Variants in WDR38 observed in about 807,000 individuals in gnomAD.
WDR38 encodes the protein WD repeat-containing protein 38.
In WDR38, 37 loss-of-function variants were observed where a neutral mutation model predicts 36.6. The ratio of observed to expected loss-of-function variants is 1.01; its 90% CI spans 0.78 to 1.33. The LOEUF (loss-of-function observed/expected upper bound fraction) is 1.33, where lower values mean the gene tolerates loss of function less well. WDR38 is among the 40% of genes most tolerant of loss of function. The pLI, the probability that WDR38 is intolerant of heterozygous loss-of-function variation, is 0.00. For missense variants in WDR38, 411 were observed against 414.6 expected (o/e 0.99, Z 0.07); for synonymous variants, 164 against 168.1 (o/e 0.98, Z 0.19).
In WDR38 at chr9:124,854,381, A is replaced by T. The variant is rs138981942; in HGVS notation, c.190+56A>T. On this transcript the variant is annotated intron_variant, in intron 2 of 8. Transcript: ENST00000373574. ...GAGGCACAAGGGTCTGGCATGCTGC[A>T]GAGCTGACTGCAGTGACCTCCGATG... 5.9e-3 allele frequency: 9,410 copies of T among 1,605,302 alleles called. 448 individuals are homozygous for T. The Admixed American group carries it at 0.1, about 17-fold the overall frequency.
chr9:124,854,364 A>G (rs1365817244), intron 2 of WDR38, 39 bp downstream of exon 2: 2 of 1,609,630 alleles, frequency 1.2e-6, no homozygotes, highest in Admixed American at 1.7e-5. Flanking sequence ...CCGAGGCACA[A>G]GGGTCTGGCA....
intron 2 of WDR38, among the ~76,000 whole-genome samples, 194 bp downstream of exon 2, chr9:124,854,519 C>T (rs1043616747): frequency 6.6e-6 from 1 of 151,784 alleles, no homozygotes; most frequent in South Asian, 2.1e-4. Flanking sequence ...TAAAAACACA[C>T]ACACACACAC....
At chr9:124,856,952 C>G (rs1427920629) in intron 7 of WDR38, 71 bp downstream of exon 7, 2 of 1,593,332 alleles carry the variant, frequency 1.3e-6, no homozygotes, top group Non-Finnish European at 1.7e-6. Context: ...AGCACTCACT[C>G]CAGAAATGCC....
At chr9:124,856,435 C>A in intron 5 of WDR38, 34 bp from the exon 6 acceptor site, 1 of 1,611,562 alleles carries the variant, frequency 6.2e-7, no homozygotes. Flanking sequence ...GGGTGGAGAG[C>A]TGGCTGGGCC....
chr9:124,857,620 C>T lies in WDR38; in HGVS notation c.935C>T (p.Pro312Leu). The stretch of plus-strand genomic sequence containing the variant: ...CGCACGTCCAAATCACCCAGGGACC[C>T]TCAAACCTAACACCAACCACCTTAG... ...ISRTSKSPRDPQT is the reference protein window; with the variant it reads ...ISRTSKSPRDLQT The change falls in exon 9 of 9, where the codon CCT becomes CTT. Residue 312 changes from proline (P) to leucine (L), a missense_variant. By Grantham distance (98) the Pro-to-Leu change is moderately conservative (BLOSUM62 -3). Coordinates refer to ENST00000373574, the MANE Select transcript of WDR38 (RefSeq NM_001045476.3). The T allele has an allele frequency of 6.2e-7, 1 of 1,614,052 alleles. No individual in the cohort carries two copies. The highest frequency in any genetic ancestry group is 8.5e-7 in the Non-Finnish European group (1 of 1,180,012).
At chr9:124,856,387 G>T (rs1290867293) in intron 5 of WDR38, 67 bp downstream of exon 5, 2 of 1,613,334 alleles carry the variant, frequency 1.2e-6, no homozygotes, top group Admixed American at 3.3e-5. Context: ...TGAGTGGTGG[G>T]AAGGGGATGG....
intron 2 of WDR38, among the ~76,000 whole-genome samples, chr9:124,854,969 C>T (rs1829009894): frequency 6.6e-6 from 1 of 152,166 alleles, no homozygotes; most frequent in Non-Finnish European, 1.5e-5. Context: ...ACCTCTGTCC[C>T]CACTAAACAA....
Position 124,856,243 on chromosome 9 carries a change from G to C in WDR38, c.409G>C (p.Gly137Arg), listed in dbSNP as rs147162054. The C allele has an allele frequency of 8.1e-6, 13 of 1,614,140 alleles. No individual in the cohort carries two copies. Among genetic ancestry groups the C allele is most frequent in the Non-Finnish European group, 1.1e-5 (13 of 1,180,044 alleles). The change falls in exon 5 of 9, where the codon GGC (glycine) becomes CGC (arginine). Residue 137 changes from glycine (G) to arginine (R), a missense_variant. Coordinates refer to ENST00000373574, the MANE Select transcript of WDR38 (RefSeq NM_001045476.3). ...KRVMLWDVQS[G>R]QMLRLLVGHR... ...TGCAGCTCAGGGCTCTCTCTAGTCC[G>C]GCCAGATGCTGCGCCTCTTAGTTGG...
chr9:124,856,364 A>G (rs1829065684), intron 5 of WDR38, 44 bp downstream of exon 5: 1 of 1,612,964 alleles, frequency 6.2e-7, no homozygotes, highest in Non-Finnish European at 8.5e-7. Context: ...GTGGCCCCAT[A>G]CCCACTTGGA....
At position 124,857,706 on chromosome 9, in the gene WDR38, A is replaced by G; in HGVS notation, c.*76A>G. ...ACAGGCATGCCGCTTCTCCCCACAG[A>G]CGCAAAGTGACTGTGCTGGCATCCA... On this transcript the variant is annotated 3_prime_UTR_variant, in exon 9 of 9. Coordinates refer to ENST00000373574, the MANE Select transcript of WDR38 (RefSeq NM_001045476.3). 1.9e-6 allele frequency: 3 copies of G among 1,591,490 alleles called. No individual in the cohort carries two copies. The highest frequency in any genetic ancestry group is 2.6e-6 in the Non-Finnish European group (3 of 1,169,680).
Position 124,855,936 on chromosome 9 carries a change from G to A in WDR38, c.383G>A (p.Arg128Gln), listed in dbSNP as rs776435802. Residue 128 changes from arginine to glutamine, a missense_variant, in exon 4 of 9, where the codon CGG becomes CAG. By Grantham distance (43) the Arg-to-Gln change is conservative. Coordinates refer to ENST00000373574, the MANE Select transcript of WDR38 (RefSeq NM_001045476.3). ...RQLASGGWDK[R>Q]VMLWDVQSGQ... is the part of the protein sequence containing the mutation. ...CTGGCATCAGGTGGCTGGGACAAGC[G>A]GGTGATGCTCTGGGATGTGCAGGTA... 2.9e-5 allele frequency: 47 copies of A among 1,613,954 alleles called. No homozygotes were observed. The highest frequency in any genetic ancestry group is 8.0e-5 in the African/African-American group (6 of 74,938).
chr9:124,857,469 C>G, intron 8 of WDR38, 33 bp from the exon 9 acceptor site: 1 of 1,614,198 alleles, frequency 6.2e-7, no homozygotes, highest in Non-Finnish European at 8.5e-7. Context: ...CAAGGCAGGA[C>G]TTGCCTCGAG....
intron 4 of WDR38, 72 bp from the exon 5 acceptor site, chr9:124,856,168 C>A: frequency 6.2e-7 from 1 of 1,601,352 alleles, no homozygotes; most frequent in Non-Finnish European, 8.5e-7. Context: ...ACGAGGTCCC[C>A]CTTTCCTGGA....
chr9:124,857,772 C>A lies in WDR38; in HGVS notation c.*142C>A. The stretch of plus-strand genomic sequence containing the variant: ...CAGGACTCTCCAGGCCCCACCAGAG[C>A]AGACAACTGTGGTGGGCAGGACGCT... On this transcript the variant is annotated 3_prime_UTR_variant, in exon 9 of 9. Transcript: ENST00000373574. The A allele has an allele frequency of 6.7e-7, 1 of 1,500,968 alleles. No homozygotes were observed. Among genetic ancestry groups the A allele is most frequent in the Non-Finnish European group, 9.0e-7 (1 of 1,110,558 alleles). 93.0% of individuals were successfully genotyped at this position (1,500,968 alleles called of 1,614,324 possible).
intron 2 of WDR38, 116 bp downstream of exon 2, chr9:124,854,441 T>C (rs1588029791): frequency 1.3e-6 from 2 of 1,521,446 alleles, no homozygotes; most frequent in African/African-American, 1.4e-5. Context: ...GCTGGGCAGG[T>C]TGGGAGATGG....
In WDR38 at chr9:124,856,899, A is replaced by G; in HGVS notation, c.768+18A>G. The G allele has an allele frequency of 8.7e-6, 14 of 1,612,958 alleles. No individual in the cohort carries two copies. The highest frequency in any genetic ancestry group is 1.2e-5 in the Non-Finnish European group (14 of 1,179,992). On this transcript the variant is annotated intron_variant, in intron 7 of 8. Coordinates refer to ENST00000373574, the MANE Select transcript of WDR38 (RefSeq NM_001045476.3). The stretch of plus-strand genomic sequence containing the variant: ...CCCGCATGGTAACCACCCCGGGCCC[A>G]TCCTGCTCCTACCTACCCATCCTCA...
intron 2 of WDR38, 127 bp downstream of exon 2, chr9:124,854,452 G>A: frequency 6.9e-7 from 1 of 1,451,758 alleles, no homozygotes. Flanking sequence ...TGGGAGATGG[G>A]ACGAGATATC....
At position 124,856,539 on chromosome 9, in the gene WDR38, A is replaced by C; in HGVS notation, c.557A>C (p.Gln186Pro). Reference sequence around the variant, plus strand: ...ATGGTGACCCCAGCAGTCTCCCACCAGGCGCTAGAGGGACACAGTGCCAAC... The same window carrying C: ...ATGGTGACCCCAGCAGTCTCCCACCCGGCGCTAGAGGGACACAGTGCCAAC... ...LRMVTPAVSHQALEGHSANIS... is the reference protein window; with the variant it reads ...LRMVTPAVSHPALEGHSANIS... The change falls in exon 6 of 9, where the codon CAG (glutamine) becomes CCG (proline). Residue 186 changes from glutamine to proline, a missense_variant. Transcript: ENST00000373574. 6.2e-7 allele frequency: 1 copy of C among 1,613,306 alleles called. No individual in the cohort carries two copies. The highest frequency in any genetic ancestry group is 8.5e-7 in the Non-Finnish European group (1 of 1,179,552).
chr9:124,857,520 C>G lies in WDR38; in HGVS notation c.835C>G (p.His279Asp). ...ETLKGVLDVA[H>D]TCAFTPDGKI... ...TTAGCAGGGAGTCCTGGATGTGGCC[C>G]ACACCTGTGCCTTCACCCCAGATGG... Residue 279 changes from histidine (H) to aspartate (D), a missense_variant, in exon 9 of 9, where the codon CAC becomes GAC. His to Asp is a moderately conservative substitution (Grantham distance 81). Coordinates refer to ENST00000373574, the MANE Select transcript of WDR38 (RefSeq NM_001045476.3). 6.2e-7 allele frequency: 1 copy of G among 1,614,162 alleles called. No individual in the cohort carries two copies. The highest frequency in any genetic ancestry group is 2.2e-5 in the East Asian group (1 of 44,874).
Sources: allele counts gnomAD v4.1 joint callset (sites outside exome capture counted in the v4.1 genomes callset), GRCh38; gene constraint gnomAD v4.1.1; transcripts MANE v1.5; gene names NCBI Gene and HGNC (gene_info 2026-07-23, HGNC 2026-07-21).